Variants in CEP76 observed in about 807,000 individuals in gnomAD.
CEP76 encodes the protein centrosomal protein 76.
In CEP76, 55 loss-of-function variants were observed where a neutral mutation model predicts 83.3. That is an observed-to-expected ratio of 0.66 (90% CI 0.53 to 0.83). CEP76 has a LOEUF of 0.83. Among genes scored for constraint, CEP76 ranks in the 40% least tolerant of loss-of-function variants. CEP76 has a pLI of 0.00. For synonymous variants in CEP76, 270 were observed against 274.5 expected (o/e 0.98, Z 0.16); for missense variants, 694 against 799.5 (o/e 0.87, Z 1.59).
intron 5 of CEP76, among the ~76,000 whole-genome samples, 193 bp downstream of exon 5, chr18:12,697,030 T>C (rs906498238): frequency 1.3e-5 from 2 of 152,234 alleles, no homozygotes; most frequent in African/African-American, 4.8e-5. Context: ...AGATTGACCA[T>C]GAAGTGCTAT....
downstream of CEP76, among the ~76,000 whole-genome samples, chr18:12,668,884 G>A (rs143244147): frequency 2.0e-3 from 303 of 150,956 alleles, 2 homozygotes; most frequent in African/African-American, 6.9e-3. Flanking sequence ...GGGATTACAG[G>A]TGTGGGCTAC....
intron 8 of CEP76, among the ~76,000 whole-genome samples, chr18:12,682,722 G>T (rs147359201): frequency 6.6e-6 from 1 of 151,712 alleles, no homozygotes; most frequent in Non-Finnish European, 1.5e-5. Flanking sequence ...TCCTCCTCCC[G>T]GGTTCCAATG....
upstream of CEP76, chr18:12,702,756 C>A (rs574117627): frequency 3.4e-3 from 2,046 of 594,500 alleles, 26 homozygotes; most frequent in Middle Eastern, 0.017. Flanking sequence ...CAACTGTTTT[C>A]AAACAGTGGC....
chr18:12,673,479 G>A lies in CEP76; in HGVS notation c.1866C>T (p.Ile622=), dbSNP rs761143650. The change falls in exon 12 of 12, where the codon ATC becomes ATT. Residue 622 remains isoleucine, a synonymous_variant. Coordinates refer to ENST00000262127, the MANE Select transcript of CEP76 (RefSeq NM_024899.4). ...CLRSPFCEEI[I]CCRGDQVRLA... ...GTCGCACTTGGTCTCCACGGCAACA[G>A]ATTATTTCTTCACAGAAAGGAGATC... The A allele has an allele frequency of 3.8e-6, 6 of 1,580,582 alleles. No individual in the cohort carries two copies. The Admixed American group carries it at 1.0e-4, about 26-fold the overall frequency.
chr18:12,671,843 T>C (rs1258116912), downstream of CEP76, among the ~76,000 whole-genome samples: 1 of 152,034 alleles, frequency 6.6e-6, no homozygotes, highest in African/African-American at 2.4e-5. Flanking sequence ...TTTTTTGAGA[T>C]GGAGTATTGC....
intron 11 of CEP76, 23 bp downstream of exon 11, chr18:12,674,513 T>C (rs947214717): frequency 1.3e-6 from 2 of 1,577,394 alleles, no homozygotes; most frequent in Non-Finnish European, 1.7e-6. Flanking sequence ...ACTGAAAAAA[T>C]GATTCCGTAA....
At chr18:12,684,703 G>T (rs2039477225) in intron 8 of CEP76, 1 of 150,950 alleles carries the variant, frequency 6.6e-6, no homozygotes, top group Non-Finnish European at 1.5e-5. Flanking sequence ...GGCTGTTCTA[G>T]AACTCCCGAC....
At chr18:12,695,055 C>T (rs1321426653) in intron 6 of CEP76, among the ~76,000 whole-genome samples, 199 bp downstream of exon 6, 1 of 152,134 alleles carries the variant, frequency 6.6e-6, no homozygotes, top group Non-Finnish European at 1.5e-5. Context: ...ATCGTATTTC[C>T]TAAACTAGAC....
Position 12,678,254 on chromosome 18 carries a change from T to TCA in CEP76, c.1476_1477dup (p.Glu493ValfsTer32), listed in dbSNP as rs2039216154. The TCA allele has an allele frequency of 6.2e-7, 1 of 1,614,058 alleles. No individual in the cohort carries two copies. Among genetic ancestry groups the TCA allele is most frequent in the Admixed American group, 1.7e-5 (1 of 59,980 alleles). ...AGCACACACAGATTTAATTGCTTCC[T>TCA]CACTCATGGGTTTCCATTTGGATTC... On this transcript the variant is annotated frameshift_variant, in exon 10 of 12. Coordinates refer to ENST00000262127, the MANE Select transcript of CEP76 (RefSeq NM_024899.4). LOFTEE classifies it high-confidence loss of function.
intron 5 of CEP76, among the ~76,000 whole-genome samples, chr18:12,696,823 T>C (rs974862182): frequency 7.9e-5 from 12 of 152,180 alleles, no homozygotes; most frequent in Admixed American, 4.6e-4. Flanking sequence ...ACATCTACTC[T>C]GTATTTTGCA....
intron 12 of CEP76, chr18:12,663,562 C>T (rs1448025288): frequency 6.6e-6 from 1 of 152,056 alleles, no homozygotes; most frequent in Non-Finnish European, 1.5e-5. Flanking sequence ...TGTGAGCCAC[C>T]ACAACCAGGC....
chr18:12,691,563 T>C, intron 6 of CEP76, 76 bp from the exon 7 acceptor site: 2 of 1,062,446 alleles, frequency 1.9e-6, no homozygotes, highest in Non-Finnish European at 2.7e-6. Flanking sequence ...CAAATTTATC[T>C]ACTTCTCTAC....
chr18:12,698,538 GA>G (rs1568033101), intron 4 of CEP76, among the ~76,000 whole-genome samples: 1 of 152,114 alleles, frequency 6.6e-6, no homozygotes, highest in East Asian at 1.9e-4. Flanking sequence ...GGCTTCAAAT[GA>G]TTCTCTCACC....
chr18:12,669,032 C>CTTTTTTTTTTTTTTTTTT (rs71174122), downstream of CEP76, among the ~76,000 whole-genome samples: 6 of 41,958 alleles, frequency 1.4e-4, 2 homozygotes, highest in Non-Finnish European at 5.3e-5. Flanking sequence ...ACCCCCCGCA[C>CTTTTTTTTTTTTTTTTTT]TTTTTTTTTT....
chr18:12,683,699 C>T (rs750315422), intron 8 of CEP76, among the ~76,000 whole-genome samples: 6 of 151,088 alleles, frequency 4.0e-5, no homozygotes, highest in African/African-American at 7.3e-5. Context: ...TGCAGTGGGC[C>T]GAGATCATGC....
At position 12,698,983 on chromosome 18, in the gene CEP76, GC is replaced by G; in HGVS notation, c.515del (p.Ser172ThrfsTer17). ...CAATTTATTACTGTTTCTTACCCAA[GC>G]TTTCTCTGTGTACTTCAAGTAAAAA... ...DGFLLEVHRE[S>X]LGDGTRMADS... On this transcript the variant is annotated frameshift_variant, in exon 4 of 12. Coordinates refer to ENST00000262127, the MANE Select transcript of CEP76 (RefSeq NM_024899.4). LOFTEE classifies it high-confidence loss of function. 1 of 1,601,092 alleles carries G rather than the reference GC, an allele frequency of 6.2e-7. No homozygotes were observed. The highest frequency in any genetic ancestry group is 1.7e-5 in the Admixed American group (1 of 58,904).
intron 5 of CEP76, among the ~76,000 whole-genome samples, chr18:12,696,596 ATTC>A (rs1178393050): frequency 1.3e-5 from 2 of 152,160 alleles, no homozygotes; most frequent in Non-Finnish European, 2.9e-5. Context: ...AACCAAAGTA[ATTC>A]CATTATATGT....
intron 4 of CEP76, 36 bp from the exon 5 acceptor site, chr18:12,697,444 AC>A: frequency 7.2e-7 from 1 of 1,395,072 alleles, no homozygotes; most frequent in Non-Finnish European, 9.9e-7. Context: ...ATACCACACT[AC>A]ATATTCAGTT....
At chr18:12,701,757 C>T (rs1433612649) in intron 1 of CEP76, among the ~76,000 whole-genome samples, 2 of 152,308 alleles carry the variant, frequency 1.3e-5, no homozygotes, top group East Asian at 3.9e-4. Flanking sequence ...AGTAACTTCT[C>T]TTCCATGACT....
Sources: allele counts gnomAD v4.1 joint callset (sites outside exome capture counted in the v4.1 genomes callset), GRCh38; gene constraint gnomAD v4.1.1; transcripts MANE v1.5; gene names NCBI Gene and HGNC (gene_info 2026-07-23, HGNC 2026-07-21).